ARHGAP15: variants seen among roughly 807,000 people sequenced by gnomAD.
ARHGAP15 encodes the protein Rho GTPase activating protein 15.
Under a neutral mutation model 63.7 loss-of-function variants are expected in ARHGAP15, and 51 were observed. The ratio of observed to expected loss-of-function variants is 0.80; its 90% CI spans 0.64 to 1.01. The LOEUF (loss-of-function observed/expected upper bound fraction) is 1.01. ARHGAP15 is among the 50% of genes least tolerant of loss of function. The probability of loss-of-function intolerance (pLI) is 0.00; values close to 1 mark genes in which losing one functional copy is unlikely to be tolerated. For synonymous variants in ARHGAP15, 191 were observed against 193.8 expected (o/e 0.99, Z 0.12); for missense variants, 560 against 564.6 (o/e 0.99, Z 0.08).
chr2:143,453,651 A>G (rs1274537925), intron 8 of ARHGAP15, among the ~76,000 whole-genome samples: 1 of 151,966 alleles, frequency 6.6e-6, no homozygotes, highest in East Asian at 1.9e-4. Flanking sequence ...AAAATAGTAT[A>G]TTGAGTGCCT....
intron 5 of ARHGAP15, among the ~76,000 whole-genome samples, chr2:143,231,090 C>A (rs1574124842): frequency 2.1e-5 from 2 of 94,514 alleles, no homozygotes; most frequent in African/African-American, 9.0e-5. Context: ...TTTTTTTTTA[C>A]CACTCATTAG....
chr2:143,386,416 G>GA (rs984417626), intron 6 of ARHGAP15, among the ~76,000 whole-genome samples: 3 of 152,024 alleles, frequency 2.0e-5, no homozygotes, highest in Non-Finnish European at 4.4e-5. Context: ...CCAGTGGGGG[G>GA]AAAAAACGAG....
intron 6 of ARHGAP15, among the ~76,000 whole-genome samples, chr2:143,330,102 A>C (rs1484632480): frequency 7.9e-5 from 6 of 76,432 alleles, no homozygotes; most frequent in African/African-American, 2.6e-4. Flanking sequence ...CTCAAAAAAA[A>C]AAAAAAAAAA....
chr2:143,443,560 C>G (rs1384376095), intron 8 of ARHGAP15, among the ~76,000 whole-genome samples: 1 of 151,902 alleles, frequency 6.6e-6, no homozygotes, highest in African/African-American at 2.4e-5. Context: ...ACTTATAAGA[C>G]AGACAATATC....
At chr2:143,400,717 G>A (rs556385660) in intron 6 of ARHGAP15, among the ~76,000 whole-genome samples, 3 of 151,954 alleles carry the variant, frequency 2.0e-5, no homozygotes, top group Non-Finnish European at 4.4e-5. Context: ...AGGGTGTTCC[G>A]TCCTTCTTAT....
At chr2:143,379,833 CAAATAGGTAAATTTT>C (rs1159619720) in intron 6 of ARHGAP15, among the ~76,000 whole-genome samples, 1 of 151,606 alleles carries the variant, frequency 6.6e-6, no homozygotes, top group Non-Finnish European at 1.5e-5. Context: ...AACAAATACA[CAAATAGGTAAATTTT>C]AAAGACGTTC....
Position 143,435,592 on chromosome 2 carries a change from T to TTC in ARHGAP15, c.475-8_475-7insCT. The TTC allele has an allele frequency of 6.5e-7, 1 of 1,529,602 alleles. No individual in the cohort carries two copies. The highest frequency in any genetic ancestry group is 8.7e-7 in the Non-Finnish European group (1 of 1,152,986). The allele number at this position is 1,529,602 out of a possible 1,614,324, so 94.8% of individuals were successfully genotyped here. ...TGTCTATTTCTTTTTCTTTTTTTTTTTTTTGCAGATCACAACAGTATCAGG... is the reference window on the plus strand; with the variant it reads ...TGTCTATTTCTTTTTCTTTTTTTTTTTCTTTTGCAGATCACAACAGTATCAGG... On this transcript the variant is annotated splice_polypyrimidine_tract_variant and intron_variant, in intron 6 of 13. Coordinates refer to ENST00000295095, the MANE Select transcript of ARHGAP15 (RefSeq NM_018460.4).
At chr2:143,488,610 A>T (rs77778869) in intron 9 of ARHGAP15, among the ~76,000 whole-genome samples, 9,418 of 152,292 alleles carry the variant, frequency 0.062, 471 homozygotes, top group East Asian at 0.21. Context: ...AGAAATCGAG[A>T]GGTGATTTAA....
intron 6 of ARHGAP15, among the ~76,000 whole-genome samples, chr2:143,376,233 T>G (rs1398634199): frequency 1.3e-5 from 2 of 152,344 alleles, no homozygotes; most frequent in East Asian, 3.9e-4. Flanking sequence ...GCAGAGAGAT[T>G]TTTATTCATT....
chr2:143,217,476 G>C (rs536456720), intron 4 of ARHGAP15, among the ~76,000 whole-genome samples: 1 of 152,260 alleles, frequency 6.6e-6, no homozygotes, highest in Non-Finnish European at 1.5e-5. Flanking sequence ...TCTTTGCCTG[G>C]ACTGTTTTTC....
intron 8 of ARHGAP15, among the ~76,000 whole-genome samples, chr2:143,485,847 C>T (rs920541347): frequency 2.6e-5 from 4 of 152,116 alleles, no homozygotes; most frequent in Admixed American, 2.6e-4. Context: ...TTTCAGGTAG[C>T]AAGAATTGTC....
At chr2:143,256,232 T>C (rs1040432351) in intron 6 of ARHGAP15, among the ~76,000 whole-genome samples, 1 of 152,230 alleles carries the variant, frequency 6.6e-6, no homozygotes, top group Non-Finnish European at 1.5e-5. Flanking sequence ...AACCACATCA[T>C]CTCACAATGT....
chr2:143,362,297 T>A (rs765459810), intron 6 of ARHGAP15, among the ~76,000 whole-genome samples: 5 of 152,180 alleles, frequency 3.3e-5, no homozygotes, highest in Non-Finnish European at 7.4e-5. Flanking sequence ...CTTTTCATAT[T>A]TCCAAGGCCT....
At chr2:143,248,520 C>T (rs550901670) in intron 5 of ARHGAP15, among the ~76,000 whole-genome samples, 2 of 152,296 alleles carry the variant, frequency 1.3e-5, no homozygotes, top group South Asian at 4.1e-4. Context: ...GGATCTAAAT[C>T]CTGGCCCCTC....
chr2:143,393,773 A>ACAT (rs1439093035), intron 6 of ARHGAP15, among the ~76,000 whole-genome samples: 5 of 150,818 alleles, frequency 3.3e-5, no homozygotes, highest in Non-Finnish European at 5.9e-5. Context: ...TGGAGGAAGG[A>ACAT]CATTAAGGTG....
chr2:143,409,509 A>G (rs188706670), intron 6 of ARHGAP15, among the ~76,000 whole-genome samples: 57 of 152,192 alleles, frequency 3.7e-4, no homozygotes, highest in African/African-American at 1.4e-3. Context: ...ATGATTTAAG[A>G]TCATTCCTAT....
At chr2:143,721,675 G>A (rs1377966780) in intron 13 of ARHGAP15, among the ~76,000 whole-genome samples, 1 of 152,034 alleles carries the variant, frequency 6.6e-6, no homozygotes, top group Admixed American at 6.6e-5. Context: ...GCTGAAAAAC[G>A]TGGACCTTTT....
chr2:143,475,319 G>C (rs1001052214), intron 8 of ARHGAP15, among the ~76,000 whole-genome samples: 3 of 152,216 alleles, frequency 2.0e-5, no homozygotes, highest in African/African-American at 7.2e-5. Flanking sequence ...AGCCGTAGAC[G>C]ACATACTGTG....
chr2:143,473,710 A>G (rs923638293), intron 8 of ARHGAP15, among the ~76,000 whole-genome samples: 4 of 152,160 alleles, frequency 2.6e-5, no homozygotes, highest in African/African-American at 9.7e-5. Flanking sequence ...TTCCAGCCAT[A>G]TTTTAGAAAT....
Sources: allele counts gnomAD v4.1 joint callset (sites outside exome capture counted in the v4.1 genomes callset), GRCh38; gene constraint gnomAD v4.1.1; transcripts MANE v1.5; gene names NCBI Gene and HGNC (gene_info 2026-07-23, HGNC 2026-07-21).